Variants in PLXDC2 observed in about 807,000 individuals in gnomAD.
PLXDC2 encodes the protein plexin domain-containing protein 2.
A neutral mutation model predicts 68.9 loss-of-function variants in PLXDC2; 40 were observed. The ratio of observed to expected loss-of-function variants is 0.58; its 90% CI spans 0.45 to 0.76. The LOEUF is 0.76. Ranked by LOEUF, PLXDC2 falls within the 30% of genes least tolerant of loss-of-function variation. The pLI is 0.00. For synonymous variants in PLXDC2, 243 were observed against 234.2 expected (o/e 1.04, Z -0.34); for missense variants, 644 against 661.9 (o/e 0.97, Z 0.30).
intron 9 of PLXDC2, among the ~76,000 whole-genome samples, chr10:20,192,457 A>G (rs541406860): frequency 6.6e-6 from 1 of 152,266 alleles, no homozygotes; most frequent in East Asian, 1.9e-4. Flanking sequence ...CTCATAAAAA[A>G]ATTAAAACCA....
Position 19,816,892 on chromosome 10 carries a change from G to C in PLXDC2, c.-188G>C. On this transcript the variant is annotated 5_prime_UTR_variant, in exon 1 of 14. Coordinates refer to ENST00000377252, the MANE Select transcript of PLXDC2 (RefSeq NM_032812.9). ...GCCTCAGAGGTCCGAAGAGCGCTGCGCTCCTACTCGCGTTCGCTTCTTCCT... is the reference window on the plus strand; with the variant it reads ...GCCTCAGAGGTCCGAAGAGCGCTGCCCTCCTACTCGCGTTCGCTTCTTCCT... 1.7e-6 allele frequency: 1 copy of C among 598,974 alleles called. No individual in the cohort carries two copies. Among genetic ancestry groups the C allele is most frequent in the Admixed American group, 3.0e-5 (1 of 33,130 alleles). 37.1% of individuals were successfully genotyped at this position (598,974 alleles called of 1,614,324 possible).
intron 1 of PLXDC2, among the ~76,000 whole-genome samples, chr10:19,910,177 T>C (rs1328640009): frequency 6.7e-6 from 1 of 148,648 alleles, no homozygotes; most frequent in Non-Finnish European, 1.5e-5. Flanking sequence ...TTTATATATA[T>C]ATATATATAT....
chr10:19,924,736 TAGTA>T (rs1385789183), intron 1 of PLXDC2, among the ~76,000 whole-genome samples: 5 of 152,212 alleles, frequency 3.3e-5, no homozygotes, highest in Non-Finnish European at 7.3e-5. Flanking sequence ...TCTTCGTCTC[TAGTA>T]AGTAACAGGT....
At chr10:19,837,792 G>T (rs1375873929) in intron 1 of PLXDC2, among the ~76,000 whole-genome samples, 2 of 152,090 alleles carry the variant, frequency 1.3e-5, no homozygotes, top group Non-Finnish European at 2.9e-5. Context: ...TATGTAAATT[G>T]CTTTGTCACA....
intron 1 of PLXDC2, among the ~76,000 whole-genome samples, chr10:19,822,492 AAG>A (rs1438720952): frequency 6.6e-6 from 1 of 152,162 alleles, no homozygotes; most frequent in Non-Finnish European, 1.5e-5. Flanking sequence ...ATATATACAG[AAG>A]AGAGGTTGCT....
chr10:19,878,356 A>G (rs2131348515), intron 1 of PLXDC2, among the ~76,000 whole-genome samples: 1 of 152,274 alleles, frequency 6.6e-6, no homozygotes, highest in African/African-American at 2.4e-5. Flanking sequence ...ATGTACCAGT[A>G]TACAAAAATA....
At chr10:20,063,354 G>A (rs1425455885) in intron 3 of PLXDC2, among the ~76,000 whole-genome samples, 10 of 152,006 alleles carry the variant, frequency 6.6e-5, no homozygotes, top group East Asian at 1.9e-4. Flanking sequence ...GCTTTATGAC[G>A]GTAAATAAGA....
intron 7 of PLXDC2, among the ~76,000 whole-genome samples, chr10:20,174,272 A>G (rs1380450884): frequency 6.6e-6 from 1 of 151,748 alleles, no homozygotes; most frequent in Non-Finnish European, 1.5e-5. Context: ...TTAGACACAG[A>G]CAGAAGATGA....
intron 9 of PLXDC2, among the ~76,000 whole-genome samples, chr10:20,202,976 A>G (rs2131849480): frequency 6.6e-6 from 1 of 152,214 alleles, no homozygotes; most frequent in East Asian, 1.9e-4. Flanking sequence ...AAATGCACAA[A>G]TGAGGACATT....
intron 4 of PLXDC2, among the ~76,000 whole-genome samples, chr10:20,086,873 A>G (rs1477165805): frequency 1.3e-5 from 2 of 152,186 alleles, no homozygotes; most frequent in East Asian, 3.9e-4. Context: ...TGCCACTTAT[A>G]CATGGCTTGT....
intron 9 of PLXDC2, among the ~76,000 whole-genome samples, chr10:20,191,882 G>A (rs1589673581): frequency 6.6e-6 from 1 of 152,090 alleles, no homozygotes; most frequent in South Asian, 2.1e-4. Flanking sequence ...TGTTTTAAGG[G>A]TAAGCCTGCC....
intron 9 of PLXDC2, among the ~76,000 whole-genome samples, chr10:20,210,767 C>G (rs1302308248): frequency 2.6e-5 from 4 of 152,090 alleles, no homozygotes; most frequent in Non-Finnish European, 5.9e-5. Flanking sequence ...TGCAAGTTGC[C>G]AGTTGTCTTC....
At position 20,164,554 on chromosome 10, in the gene PLXDC2, C is replaced by G; in HGVS notation, c.870C>G (p.Ile290Met). 6.2e-7 allele frequency: 1 copy of G among 1,611,204 alleles called. No homozygotes were observed. Among genetic ancestry groups the G allele is most frequent in the Non-Finnish European group, 8.5e-7 (1 of 1,177,678 alleles). Residue 290 changes from isoleucine to methionine, a missense_variant, in exon 7 of 14, where the codon ATC becomes ATG. Transcript: ENST00000377252. ...LSDAFVVVHR[I>M]QQIPNVRRRT... ...ATGCATTTGTCGTTGTCCACAGGAT[C>G]CAACAAATTCCCAGTACGTAGAAGA...
At chr10:20,158,501 C>CAAAAAAAAAAAAAAAAAAAAAAAAAA (rs59079629) in intron 6 of PLXDC2, among the ~76,000 whole-genome samples, 3 of 118,776 alleles carry the variant, frequency 2.5e-5, no homozygotes, top group Admixed American at 8.9e-5. Flanking sequence ...TCTGTCTCTG[C>CAAAAAAAAAAAAAAAAAAAAAAAAAA]AAAAAAAAAA....
chr10:20,037,485 A>G (rs1835598747), intron 2 of PLXDC2, among the ~76,000 whole-genome samples: 1 of 152,042 alleles, frequency 6.6e-6, no homozygotes, highest in Non-Finnish European at 1.5e-5. Context: ...CATTAGGTAT[A>G]TCTCCTAATG....
intron 2 of PLXDC2, among the ~76,000 whole-genome samples, chr10:20,008,444 T>A (rs1332033772): frequency 6.6e-6 from 1 of 151,906 alleles, no homozygotes; most frequent in Non-Finnish European, 1.5e-5. Flanking sequence ...TCCCAGATAC[T>A]CGAGAGGCTG....
intron 2 of PLXDC2, among the ~76,000 whole-genome samples, chr10:20,043,084 C>T (rs909978610): frequency 3.3e-5 from 5 of 152,094 alleles, no homozygotes; most frequent in Non-Finnish European, 7.4e-5. Flanking sequence ...AAGGATAAGA[C>T]GTGTTTTGAA....
chr10:20,238,745 GTA>G (rs145188058), intron 12 of PLXDC2, among the ~76,000 whole-genome samples: 12 of 128,642 alleles, frequency 9.3e-5, no homozygotes, highest in Non-Finnish European at 1.2e-4. Flanking sequence ...ATATATGTGT[GTA>G]TATATATATA....
At chr10:19,883,890 T>TTTTTTTTTTTTTTTG (rs1837787621) in intron 1 of PLXDC2, among the ~76,000 whole-genome samples, 1 of 88,208 alleles carries the variant, frequency 1.1e-5, no homozygotes, top group African/African-American at 4.7e-5. Flanking sequence ...TAAACTTTTT[T>TTTTTTTTTTTTTTTG]TTTTTTTTTT....
Sources: gnomAD v4.1 joint callset for allele counts (sites outside exome capture counted in the v4.1 genomes callset) on GRCh38, gnomAD v4.1.1 for gene constraint, MANE v1.5 for transcripts, NCBI Gene and HGNC (gene_info 2026-07-23, HGNC 2026-07-21) for gene names.